The following NDE1 variants were observed in gnomAD, a reference collection of about 807,000 sequenced individuals.
The protein encoded by NDE1 is nuclear distribution protein nudE homolog 1.
In NDE1, 28 loss-of-function variants were observed where a neutral mutation model predicts 43.4. The observed-to-expected ratio is 0.65, with a 90% CI of 0.48 to 0.89. The LOEUF (loss-of-function observed/expected upper bound fraction) is 0.89. Ranked by LOEUF, NDE1 falls within the 40% of genes least tolerant of loss-of-function variation. The probability of loss-of-function intolerance (pLI) is 0.00; values close to 1 mark genes in which losing one functional copy is unlikely to be tolerated. For synonymous variants in NDE1, 184 were observed against 172.0 expected, an observed-to-expected ratio of 1.07 and a Z score of -0.55; for missense variants, 441 against 434.1, an observed-to-expected ratio of 1.02 and a Z score of -0.14.
At position 15,691,343 on chromosome 16, in the gene NDE1, C is replaced by G. The variant is rs1177200426; in HGVS notation, c.703+20C>G. 1 of 1,612,866 alleles carries G rather than the reference C, an allele frequency of 6.2e-7. No individual in the cohort carries two copies. The highest frequency in any genetic ancestry group is 8.5e-7 in the Non-Finnish European group (1 of 1,179,420). On this transcript the variant is annotated intron_variant, in intron 6 of 8. Transcript: ENST00000396354. ...GACGTGGTAAGGGGAGTGGGAATTGCAGGATTTTCTCGGTTCACAAAGTGT... is the reference window on the plus strand; with the variant it reads ...GACGTGGTAAGGGGAGTGGGAATTGGAGGATTTTCTCGGTTCACAAAGTGT...
At chr16:15,661,812 C>T (rs2037059649) in intron 1 of NDE1, among the ~76,000 whole-genome samples, 1 of 152,092 alleles carries the variant, frequency 6.6e-6, no homozygotes, top group South Asian at 2.1e-4. Context: ...GGTAGAGCCC[C>T]AGAAGATGTC....
At position 15,664,782 on chromosome 16, in the gene NDE1, G is replaced by T; in HGVS notation, c.4G>T (p.Glu2Ter). 6.2e-7 allele frequency: 1 copy of T among 1,611,302 alleles called. No homozygotes were observed. The highest frequency in any genetic ancestry group is 8.5e-7 in the Non-Finnish European group (1 of 1,177,592). Residue 2 changes from glutamate to a stop codon, truncating the protein, a stop_gained, in exon 2 of 9, where the codon GAG becomes TAG. Transcript: ENST00000396354. LOFTEE classifies it high-confidence loss of function. M[E>*]DSGKTFSSEE... is the part of the protein sequence containing the mutation. ...GATCTCTTCCCCTGTTTTCACAATGGAGGACTCCGGAAAGACTTTCAGCTC... is the reference window on the plus strand; with the variant it reads ...GATCTCTTCCCCTGTTTTCACAATGTAGGACTCCGGAAAGACTTTCAGCTC...
At chr16:15,656,633 C>G (rs569133133) in intron 1 of NDE1, among the ~76,000 whole-genome samples, 1 of 152,106 alleles carries the variant, frequency 6.6e-6, no homozygotes, top group East Asian at 1.9e-4. Flanking sequence ...CTCCACCTCC[C>G]GGGTTCAAGA....
chr16:15,714,872 TGA>T (rs769324622), intron 8 of NDE1: 2 of 1,611,560 alleles, frequency 1.2e-6, no homozygotes, highest in South Asian at 1.1e-5. Context: ...TTCTCTGGCC[TGA>T]GAGACGGGGT....
chr16:15,677,338 C>G (rs995561529), intron 3 of NDE1, among the ~76,000 whole-genome samples: 1 of 152,058 alleles, frequency 6.6e-6, no homozygotes, highest in East Asian at 1.9e-4. Context: ...AATCCCAGCA[C>G]TTTGGGAGGC....
intron 8 of NDE1, among the ~76,000 whole-genome samples, chr16:15,706,971 C>T (rs1459045045): frequency 1.3e-5 from 2 of 152,134 alleles, no homozygotes; most frequent in Admixed American, 6.5e-5. Flanking sequence ...AAGGTTGACA[C>T]CAACTATACC....
intron 1 of NDE1, among the ~76,000 whole-genome samples, chr16:15,644,453 C>G (rs941158761): frequency 2.6e-5 from 4 of 152,178 alleles, no homozygotes; most frequent in Non-Finnish European, 4.4e-5. Context: ...CACATCCTCT[C>G]CCTGCGTAGG....
chr16:15,659,521 C>T (rs2036940807), intron 1 of NDE1, among the ~76,000 whole-genome samples: 1 of 140,786 alleles, frequency 7.1e-6, no homozygotes, highest in African/African-American at 2.6e-5. Flanking sequence ...ACTACAACCT[C>T]TGCCTTCTGG....
chr16:15,695,181 CAGAAG>C (rs1029060774), intron 7 of NDE1, among the ~76,000 whole-genome samples: 2 of 140,724 alleles, frequency 1.4e-5, no homozygotes, highest in African/African-American at 5.5e-5. Context: ...GACGTTGTCT[CAGAAG>C]AGAAAAAAAC....
chr16:15,646,215 G>A (rs559999536), upstream of NDE1, among the ~76,000 whole-genome samples: 25 of 152,212 alleles, frequency 1.6e-4, no homozygotes, highest in African/African-American at 4.6e-4. Flanking sequence ...TTTGTGCTTC[G>A]GTTTCTCTGT....
At chr16:15,696,170 A>G (rs896010796) in intron 7 of NDE1, among the ~76,000 whole-genome samples, 12 of 147,666 alleles carry the variant, frequency 8.1e-5, no homozygotes, top group Admixed American at 1.4e-4. Flanking sequence ...GCTCCCAAAC[A>G]TTTTAAAAAA....
At chr16:15,687,193 C>T in intron 4 of NDE1, 182 bp from the exon 5 acceptor site, 1 of 1,515,632 alleles carries the variant, frequency 6.6e-7, no homozygotes, top group Non-Finnish European at 8.8e-7. Context: ...GAGTCCCATT[C>T]TGCAGGTAAA....
chr16:15,686,771 A>G (rs1340132204), intron 4 of NDE1, among the ~76,000 whole-genome samples: 3 of 152,114 alleles, frequency 2.0e-5, no homozygotes, highest in African/African-American at 7.2e-5. Flanking sequence ...CAGTGGTATA[A>G]TCTGGGCTCA....
In NDE1 at chr16:15,724,302, G is replaced by A. The variant is rs1346896885; in HGVS notation, c.*51G>A. The A allele has an allele frequency of 3.0e-5, 48 of 1,614,010 alleles. No individual in the cohort carries two copies. Among genetic ancestry groups the A allele is most frequent in the East Asian group, 6.7e-5 (3 of 44,898 alleles). On this transcript the variant is annotated 3_prime_UTR_variant, in exon 9 of 9. Transcript: ENST00000396354. Reference sequence around the variant, plus strand: ...TATCATAAGCGGCCGCCTTCTCCTCGTACTGCTGGGTGAGGTTCTCGATCT... The same window carrying A: ...TATCATAAGCGGCCGCCTTCTCCTCATACTGCTGGGTGAGGTTCTCGATCT...
upstream of NDE1, among the ~76,000 whole-genome samples, chr16:15,650,019 C>G (rs1358077542): frequency 6.6e-6 from 1 of 152,246 alleles, no homozygotes. Context: ...CAGCCCGCCG[C>G]AGCCCAGCGC....
At chr16:15,646,692 C>T (rs894652635), upstream of NDE1, among the ~76,000 whole-genome samples, 1 of 151,940 alleles carries the variant, frequency 6.6e-6, no homozygotes, top group African/African-American at 2.4e-5. Context: ...GATCGCACCA[C>T]TGCACTCTAG....
chr16:15,667,541 C>T (rs1418608325), intron 3 of NDE1, 102 bp downstream of exon 3: 2 of 1,405,718 alleles, frequency 1.4e-6, no homozygotes, highest in African/African-American at 1.4e-5. Context: ...GGACTCCAGA[C>T]CCCAGGCCCA....
chr16:15,710,562 A>G (rs1269287625), intron 8 of NDE1, among the ~76,000 whole-genome samples: 1 of 152,152 alleles, frequency 6.6e-6, no homozygotes, highest in East Asian at 1.9e-4. Context: ...GGCCTGAGAA[A>G]GGGAAGCAGA....
At chr16:15,678,313 A>C (rs1267708034) in intron 4 of NDE1, among the ~76,000 whole-genome samples, 1 of 152,150 alleles carries the variant, frequency 6.6e-6, no homozygotes, top group African/African-American at 2.4e-5. Flanking sequence ...TTCCAGACAG[A>C]ACACCAAGCC....
Sources: gnomAD v4.1 joint callset for allele counts (sites outside exome capture counted in the v4.1 genomes callset) on GRCh38, gnomAD v4.1.1 for gene constraint, MANE v1.5 for transcripts, NCBI Gene and HGNC (gene_info 2026-07-23, HGNC 2026-07-21) for gene names.